The following KIFAP3 variants were observed in gnomAD, a reference collection of about 807,000 sequenced individuals.
KIFAP3 encodes kinesin associated protein 3.
Under a neutral mutation model 106.5 loss-of-function variants are expected in KIFAP3, and 68 were observed. The observed-to-expected ratio is 0.64, with a 90% CI of 0.53 to 0.78. The LOEUF is 0.78. Ranked by LOEUF, KIFAP3 falls within the 30% of genes least tolerant of loss-of-function variation. KIFAP3 has a pLI of 0.00. For missense variants in KIFAP3, 780 were observed against 941.8 expected, an observed-to-expected ratio of 0.83 and a Z score of 2.25; for synonymous variants, 320 against 311.5, an observed-to-expected ratio of 1.03 and a Z score of -0.29.
chr1:169,963,483 C>A (rs1359292347), intron 17 of KIFAP3, among the ~76,000 whole-genome samples: 1 of 152,010 alleles, frequency 6.6e-6, no homozygotes, highest in Non-Finnish European at 1.5e-5. Context: ...AATGGGACTT[C>A]TTTTCTTTTA....
Position 170,035,444 on chromosome 1 carries a change from T to G in KIFAP3, c.617+10A>C, listed in dbSNP as rs1669638241. On this transcript the variant is annotated intron_variant, in intron 6 of 19. Transcript: ENST00000361580. ...CAGTAGCCTTTTTATTTAATAATTTTTATACTTACCTGGAGAAACAAAAAA... is the reference window on the plus strand; with the variant it reads ...CAGTAGCCTTTTTATTTAATAATTTGTATACTTACCTGGAGAAACAAAAAA... The G allele has an allele frequency of 1.9e-6, 3 of 1,549,748 alleles. No homozygotes were observed. Among genetic ancestry groups the G allele is most frequent in the Non-Finnish European group, 2.6e-6 (3 of 1,136,648 alleles).
chr1:169,944,428 T>A (rs1664313763), intron 19 of KIFAP3, among the ~76,000 whole-genome samples: 1 of 152,116 alleles, frequency 6.6e-6, no homozygotes, highest in African/African-American at 2.4e-5. Context: ...CCACAGAGGG[T>A]GTCACATCCC....
At position 170,074,694 on chromosome 1, in the gene KIFAP3, C is replaced by T. The variant is rs1330375; in HGVS notation, c.-227G>A. On this transcript the variant is annotated 5_prime_UTR_variant, in exon 1 of 20. Transcript: ENST00000361580. ...GCGGCCCAGACCCGCCCAGAGTCGC[C>T]TAAGCCGGGCCGTCACGACGCATGC... The T allele has an allele frequency of 2.1e-6, 3 of 1,408,964 alleles. No homozygotes were observed. The highest frequency in any genetic ancestry group is 2.8e-6 in the Non-Finnish European group (3 of 1,080,770). 87.3% of individuals were successfully genotyped at this position (1,408,964 alleles called of 1,614,324 possible).
In KIFAP3 at chr1:170,038,523, A is replaced by G. The variant is rs902640458; in HGVS notation, c.376-92T>C. 6.2e-6 allele frequency: 8 copies of G among 1,281,182 alleles called. No homozygotes were observed. In the African/African-American group the frequency reaches 1.1e-4, roughly 17 times the overall value. The allele number at this position is 1,281,182 out of a possible 1,614,324, so 79.4% of individuals were successfully genotyped here. On this transcript the variant is annotated intron_variant, in intron 4 of 19. Coordinates refer to ENST00000361580, the MANE Select transcript of KIFAP3 (RefSeq NM_014970.4). ...TTTTGTGATCAATATACTGGCCTTT[A>G]TAACAACACACAAATTTCCAAAGAA... is the stretch of plus-strand genomic sequence containing the variant.
rs766792410 is a variant in KIFAP3, at chr1:170,074,478, G to A, written c.-11C>T. The A allele has an allele frequency of 1.9e-6, 3 of 1,613,874 alleles. No individual in the cohort carries two copies. The South Asian group carries it at 3.3e-5, about 18-fold the overall frequency. On this transcript the variant is annotated 5_prime_UTR_variant, in exon 1 of 20. Coordinates refer to ENST00000361580, the MANE Select transcript of KIFAP3 (RefSeq NM_014970.4). ...GTCCTCCCCTTGCATGGCGGCAGCGGCAGCGGCGTGGAGAGGATGGGGTAT... is the reference window on the plus strand; with the variant it reads ...GTCCTCCCCTTGCATGGCGGCAGCGACAGCGGCGTGGAGAGGATGGGGTAT...
At position 169,954,978 on chromosome 1, in the gene KIFAP3, G is replaced by T. The variant is rs371774691; in HGVS notation, c.2174-868C>A. 1.8e-4 allele frequency among the ~76,000 whole-genome samples: 28 copies of T among 152,170 alleles called. No individual in the cohort carries two copies. The East Asian group carries it at 4.8e-3, about 26-fold the overall frequency. On this transcript the variant is annotated intron_variant, in intron 18 of 19. Transcript: ENST00000361580. ...CTATTTTTGATAGAATTATGAATAAGGTAAGAATAAAAAGAATCTGAGGAA... is the reference window on the plus strand; with the variant it reads ...CTATTTTTGATAGAATTATGAATAATGTAAGAATAAAAAGAATCTGAGGAA...
chr1:170,082,660 G>T (rs531642748), intron 1 of KIFAP3, among the ~76,000 whole-genome samples: 1 of 152,264 alleles, frequency 6.6e-6, no homozygotes, highest in Non-Finnish European at 1.5e-5. Flanking sequence ...TAAGCCAAAT[G>T]GGTGGATTAA....
At chr1:169,952,717 A>G (rs1243100378) in intron 19 of KIFAP3, among the ~76,000 whole-genome samples, 2 of 152,122 alleles carry the variant, frequency 1.3e-5, no homozygotes, top group Non-Finnish European at 1.5e-5. Flanking sequence ...TTGAATTTTT[A>G]GAGCTGTGAT....
chr1:170,038,477 T>C, intron 4 of KIFAP3, 46 bp from the exon 5 acceptor site: 2 of 1,565,800 alleles, frequency 1.3e-6, no homozygotes, highest in Non-Finnish European at 1.7e-6. Context: ...GCTCAACAGA[T>C]CCACTGTCAA....
intron 12 of KIFAP3, among the ~76,000 whole-genome samples, 174 bp downstream of exon 12, chr1:169,984,408 C>T (rs1385457739): frequency 6.6e-6 from 1 of 151,768 alleles, no homozygotes; most frequent in Admixed American, 6.6e-5. Context: ...TAAGTGTCTG[C>T]ATTTATGACG....
intron 11 of KIFAP3, among the ~76,000 whole-genome samples, chr1:169,989,278 C>T (rs1558223927): frequency 6.6e-6 from 1 of 151,714 alleles, no homozygotes; most frequent in East Asian, 1.9e-4. Flanking sequence ...AGGATAACTC[C>T]AAATTCAAAA....
intron 10 of KIFAP3, among the ~76,000 whole-genome samples, chr1:170,014,236 C>T (rs1190967432): frequency 6.6e-6 from 1 of 152,146 alleles, no homozygotes; most frequent in Non-Finnish European, 1.5e-5. Flanking sequence ...CAAAAGTCTA[C>T]AATGATCCCC....
intron 3 of KIFAP3, among the ~76,000 whole-genome samples, chr1:170,044,259 A>G (rs1469959315): frequency 6.6e-6 from 1 of 152,202 alleles, no homozygotes; most frequent in African/African-American, 2.4e-5. Flanking sequence ...TCCTCTACCT[A>G]GTACTATAAA....
At position 169,961,200 on chromosome 1, in the gene KIFAP3, A is replaced by G; in HGVS notation, c.2019T>C (p.Ser673=). The change falls in exon 18 of 20, where the codon AGT becomes AGC. Residue 673 remains serine (S), a synonymous_variant. Coordinates refer to ENST00000361580, the MANE Select transcript of KIFAP3 (RefSeq NM_014970.4). The part of the protein sequence containing the change: ...YDEEWAKKIQ[S]EKFRWHNSQW... The stretch of plus-strand genomic sequence containing the variant: ...GAGAGTTATGCCAGCGAAACTTTTC[A>G]CTCTGAATTTTCTTAGCCCATTCTT... The G allele has an allele frequency of 6.2e-7, 1 of 1,613,096 alleles. No homozygotes were observed. The highest frequency in any genetic ancestry group is 8.5e-7 in the Non-Finnish European group (1 of 1,179,688).
intron 9 of KIFAP3, among the ~76,000 whole-genome samples, chr1:170,023,585 T>C (rs557566422): frequency 1.6e-4 from 24 of 152,222 alleles, no homozygotes; most frequent in African/African-American, 5.1e-4. Context: ...TGAAGAATTA[T>C]TTGTAATAGA....
intron 9 of KIFAP3, among the ~76,000 whole-genome samples, chr1:170,020,895 G>A (rs1185004879): frequency 1.3e-5 from 2 of 152,060 alleles, no homozygotes; most frequent in African/African-American, 4.8e-5. Context: ...TATAAAACTT[G>A]AAGAAAACAT....
intron 19 of KIFAP3, among the ~76,000 whole-genome samples, chr1:169,928,685 T>A (rs1356169389): frequency 5.2e-5 from 3 of 57,242 alleles, no homozygotes; most frequent in African/African-American, 2.2e-4. Context: ...ACAGAGTGAG[T>A]GAGACCCTGT....
rs2474702 is a variant in KIFAP3 at position 169,997,883 on chromosome 1, G to A, written c.1184-5628C>T. Reference sequence around the variant, plus strand: ...AGACGTCTCAAAAAAAAAAAAAAAAGAAAAAAAAAAGGATAAAAAAAAAAA... The same window carrying A: ...AGACGTCTCAAAAAAAAAAAAAAAAAAAAAAAAAAAGGATAAAAAAAAAAA... On this transcript the variant is annotated intron_variant, in intron 10 of 19. Coordinates refer to ENST00000361580, the MANE Select transcript of KIFAP3 (RefSeq NM_014970.4). 7.8e-3 allele frequency among the ~76,000 whole-genome samples: 959 copies of A among 122,492 alleles called. 14 individuals are homozygous for A. The highest frequency in any genetic ancestry group is 0.018 in the African/African-American group (605 of 33,456). 80.4% of individuals were successfully genotyped at this position (122,492 alleles called of 152,430 possible).
At chr1:169,994,061 T>A (rs1185988884) in intron 10 of KIFAP3, among the ~76,000 whole-genome samples, 1 of 152,066 alleles carries the variant, frequency 6.6e-6, no homozygotes, top group African/African-American at 2.4e-5. Flanking sequence ...TAATAATTGT[T>A]GATTGGTTAA....
Sources: allele counts gnomAD v4.1 joint callset (sites outside exome capture counted in the v4.1 genomes callset), GRCh38; gene constraint gnomAD v4.1.1; transcripts MANE v1.5; gene names NCBI Gene and HGNC (gene_info 2026-07-23, HGNC 2026-07-21).